Variants in GABRG3 observed in about 807,000 individuals in gnomAD.
GABRG3 encodes gamma-aminobutyric acid receptor subunit gamma-3.
A neutral mutation model predicts 48.8 loss-of-function variants in GABRG3; 25 were observed. The observed-to-expected ratio is 0.51, with a 90% CI of 0.37 to 0.72. The LOEUF (loss-of-function observed/expected upper bound fraction) is 0.72, where lower values mean the gene tolerates loss of function less well. GABRG3 is among the 30% of genes least tolerant of loss of function. The probability of loss-of-function intolerance (pLI) is 0.00; values close to 1 mark genes in which losing one functional copy is unlikely to be tolerated. For synonymous variants in GABRG3, 227 were observed against 217.6 expected (o/e 1.04, Z -0.38); for missense variants, 394 against 577.9 (o/e 0.68, Z 3.26).
chr15:27,388,312 GGGAGGGAAAA>G (rs1896087331), intron 5 of GABRG3, among the ~76,000 whole-genome samples: 2 of 35,670 alleles, frequency 5.6e-5, no homozygotes, highest in Non-Finnish European at 1.1e-4. Context: ...AGGAAAGGGA[GGGAGGGAAAA>G]GAAGGAAGGA....
At chr15:27,351,606 G>C (rs1277286670) in intron 5 of GABRG3, among the ~76,000 whole-genome samples, 1 of 148,916 alleles carries the variant, frequency 6.7e-6, no homozygotes, top group African/African-American at 2.5e-5. Flanking sequence ...GTTTGTGTGT[G>C]TATGGTATGT....
intron 3 of GABRG3, among the ~76,000 whole-genome samples, chr15:27,172,343 G>A (rs1164527100): frequency 6.6e-6 from 1 of 152,126 alleles, no homozygotes; most frequent in African/African-American, 2.4e-5. Flanking sequence ...TTCTTAGTGT[G>A]CTTGTCACTT....
At chr15:27,510,199 T>C (rs1890862941) in intron 6 of GABRG3, among the ~76,000 whole-genome samples, 1 of 152,168 alleles carries the variant, frequency 6.6e-6, no homozygotes, top group Non-Finnish European at 1.5e-5. Flanking sequence ...TGTGGGTGGT[T>C]GGATCAAGGG....
chr15:27,369,368 A>G (rs1267519952), intron 5 of GABRG3, among the ~76,000 whole-genome samples: 2 of 152,242 alleles, frequency 1.3e-5, no homozygotes, highest in Non-Finnish European at 2.9e-5. Context: ...TTGCCTGACC[A>G]GAAAGCTCTG....
chr15:26,989,408 T>TTTGA (rs1301085303), intron 2 of GABRG3, among the ~76,000 whole-genome samples: 42 of 152,324 alleles, frequency 2.8e-4, no homozygotes, highest in Middle Eastern at 6.8e-3. Context: ...GGATAAATGT[T>TTTGA]TTGATTTTTC....
chr15:27,254,608 G>A (rs1327489580), intron 3 of GABRG3, among the ~76,000 whole-genome samples: 1 of 152,102 alleles, frequency 6.6e-6, no homozygotes, highest in Non-Finnish European at 1.5e-5. Flanking sequence ...TTTATAGGTG[G>A]CCGTTTTCTC....
chr15:27,467,617 C>G (rs940076011), intron 5 of GABRG3, among the ~76,000 whole-genome samples: 5 of 152,216 alleles, frequency 3.3e-5, no homozygotes, highest in African/African-American at 1.2e-4. Flanking sequence ...AGCATTAAAA[C>G]AGCTATTTCA....
In GABRG3 at chr15:27,307,140, A is replaced by G. The variant is rs910491375; in HGVS notation, c.271-19669A>G. Among the ~76,000 whole-genome samples, 57 of 124,986 alleles carry G rather than the reference A, an allele frequency of 4.6e-4. 1 individual carries two copies. The highest frequency in any genetic ancestry group is 7.0e-4 in the Non-Finnish European group (45 of 64,538). 82.0% of individuals were successfully genotyped at this position (124,986 alleles called of 152,430 possible). Reference sequence around the variant, plus strand: ...ATAAACATAATATAAACATGTTTATACATATATAAACATATAAAAACATGT... The same window carrying G: ...ATAAACATAATATAAACATGTTTATGCATATATAAACATATAAAAACATGT... On this transcript the variant is annotated intron_variant, in intron 3 of 9. Transcript: ENST00000615808.
At chr15:27,362,377 A>G (rs1276821230) in intron 5 of GABRG3, 1 of 152,238 alleles carries the variant, frequency 6.6e-6, no homozygotes, top group Non-Finnish European at 1.5e-5. Context: ...CAAGTATCCC[A>G]GCAAGATTTG....
intron 3 of GABRG3, among the ~76,000 whole-genome samples, chr15:27,297,198 A>G (rs1217819982): frequency 6.6e-6 from 1 of 152,236 alleles, no homozygotes; most frequent in Admixed American, 6.5e-5. Flanking sequence ...ATATAACAAA[A>G]GAGTCAAAAA....
In GABRG3 at chr15:27,537,052, G is replaced by A. The variant is rs1305100168; in HGVS notation, c.*4171G>A. On this transcript the variant is annotated 3_prime_UTR_variant, in exon 10 of 10. Transcript: ENST00000615808. ...CACTTGGAATTCACTCCATGATCTT[G>A]CAACTCTTTTTGAGTGCTTTTCCTG... 6.7e-6 allele frequency: 1 copy of A among 148,788 alleles called. No homozygotes were observed. The highest frequency in any genetic ancestry group is 1.5e-5 in the Non-Finnish European group (1 of 67,702). 9.2% of individuals were successfully genotyped at this position (148,788 alleles called of 1,614,324 possible). A position where few individuals can be genotyped will look rare whatever the true frequency, so the allele number is the denominator to read the frequency against.
intron 3 of GABRG3, among the ~76,000 whole-genome samples, chr15:27,242,876 A>G (rs959476532): frequency 1.6e-4 from 24 of 152,270 alleles, no homozygotes; most frequent in African/African-American, 5.8e-4. Context: ...AGATTGGCAC[A>G]TAAATATTGG....
At chr15:27,256,988 C>T (rs1207331116) in intron 3 of GABRG3, among the ~76,000 whole-genome samples, 2 of 152,214 alleles carry the variant, frequency 1.3e-5, no homozygotes, top group African/African-American at 4.8e-5. Flanking sequence ...TGTGAGGAAC[C>T]TCCATGCTGT....
rs959493020 is a variant in GABRG3 at position 27,457,670 on chromosome 15, A to G, written c.575-22980A>G. On this transcript the variant is annotated intron_variant, in intron 5 of 9. Coordinates refer to ENST00000615808, the MANE Select transcript of GABRG3 (RefSeq NM_033223.5). This position sits in a 1 kb window ranked among gnomAD's most constrained non-coding sequence, Gnocchi z 4.4. The stretch of plus-strand genomic sequence containing the variant: ...GCCTCCTTGGAGTCTGCAGCCTCAC[A>G]TCAGCCTAGACGCCTGGTCCAGCCT... 7.2e-5 allele frequency among the ~76,000 whole-genome samples: 11 copies of G among 152,280 alleles called. No individual in the cohort carries two copies. In the East Asian group the frequency reaches 9.7e-4, roughly 13 times the overall value.
rs1382456557 is a variant in GABRG3 at position 27,307,031 on chromosome 15, TGTATAAA to T, written c.271-19777_271-19771del. On this transcript the variant is annotated intron_variant, in intron 3 of 9. Coordinates refer to ENST00000615808, the MANE Select transcript of GABRG3 (RefSeq NM_033223.5). ...GTATAAACATGTTTATATATAAACA[TGTATAAA>T]ATAAACATGTTTATATATAAACATG... Among the ~76,000 whole-genome samples, 49 of 80,988 alleles carry T rather than the reference TGTATAAA, an allele frequency of 6.1e-4. 2 individuals carry two copies. Among genetic ancestry groups the T allele is most frequent in the African/African-American group, 2.6e-3 (44 of 17,168 alleles). 53.1% of individuals were successfully genotyped at this position (80,988 alleles called of 152,430 possible). A position where few individuals can be genotyped will look rare whatever the true frequency, so the allele number is the denominator to read the frequency against.
At chr15:27,198,257 A>G (rs1458057214) in intron 3 of GABRG3, among the ~76,000 whole-genome samples, 1 of 152,218 alleles carries the variant, frequency 6.6e-6, no homozygotes, top group African/African-American at 2.4e-5. Context: ...CCATCTGACA[A>G]AGGGCTAATA....
At chr15:27,523,958 TA>T (rs369136552) in intron 7 of GABRG3, among the ~76,000 whole-genome samples, 3 of 151,688 alleles carry the variant, frequency 2.0e-5, no homozygotes, top group Non-Finnish European at 3.0e-5. Context: ...AGAATGGGGC[TA>T]AAAAAAATAT....
chr15:27,398,661 C>T (rs934795170), intron 5 of GABRG3, among the ~76,000 whole-genome samples: 3 of 150,370 alleles, frequency 2.0e-5, no homozygotes, highest in African/African-American at 4.9e-5. Flanking sequence ...AGATGACAAG[C>T]GCGCGCACAC....
At chr15:27,003,201 A>ATTTTTATG (rs768022244) in intron 2 of GABRG3, among the ~76,000 whole-genome samples, 1 of 139,190 alleles carries the variant, frequency 7.2e-6, no homozygotes, top group African/African-American at 2.7e-5. Context: ...TTTTTATTTT[A>ATTTTTATG]TATTTATTTA....
Sources: allele counts gnomAD v4.1 joint callset (sites outside exome capture counted in the v4.1 genomes callset), GRCh38; gene constraint gnomAD v4.1.1; non-coding constraint Gnocchi (gnomAD v3.1); transcripts MANE v1.5; gene names NCBI Gene and HGNC (gene_info 2026-07-23, HGNC 2026-07-21).